Variants in NTM observed in about 807,000 individuals in gnomAD.
NTM encodes the protein IgLON family member 2.
In NTM, 13 loss-of-function variants were observed where a neutral mutation model predicts 42.1. The observed-to-expected ratio is 0.31, with a 90% CI of 0.20 to 0.49. NTM has a LOEUF of 0.49. Among genes scored for constraint, NTM ranks in the 20% least tolerant of loss-of-function variants. The pLI is 0.99. For missense variants in NTM, 373 were observed against 452.8 expected (o/e 0.82, Z 1.60); for synonymous variants, 187 against 179.2 (o/e 1.04, Z -0.35).
intron 3 of NTM, among the ~76,000 whole-genome samples, chr11:132,159,808 C>T (rs2073935595): frequency 1.3e-5 from 2 of 152,186 alleles, no homozygotes; most frequent in African/African-American, 2.4e-5. Flanking sequence ...CTGGGAATCA[C>T]AGGCTGGAGC....
At chr11:131,562,198 T>C (rs1047565721) in intron 1 of NTM, among the ~76,000 whole-genome samples, 2 of 152,044 alleles carry the variant, frequency 1.3e-5, no homozygotes, top group Non-Finnish European at 2.9e-5. Flanking sequence ...TGACTTATGA[T>C]GGATGAGGGA....
chr11:132,153,252 T>G (rs2072385491), intron 3 of NTM, among the ~76,000 whole-genome samples: 3 of 152,186 alleles, frequency 2.0e-5, no homozygotes, highest in Non-Finnish European at 4.4e-5. Context: ...AGCTTCCAAG[T>G]GAGAAATGTC....
At chr11:131,715,887 G>T (rs1342328113) in intron 1 of NTM, among the ~76,000 whole-genome samples, 4 of 152,188 alleles carry the variant, frequency 2.6e-5, no homozygotes, top group Middle Eastern at 3.2e-3. Context: ...ATGTGTTTAT[G>T]CATTCAATGA....
At chr11:132,283,068 C>T (rs567010314) in intron 4 of NTM, among the ~76,000 whole-genome samples, 1 of 146,492 alleles carries the variant, frequency 6.8e-6, no homozygotes, top group African/African-American at 2.5e-5. Context: ...CTCACTGCAA[C>T]CTTCGCCTCC....
intron 1 of NTM, among the ~76,000 whole-genome samples, chr11:131,859,344 T>G (rs996207378): frequency 6.6e-6 from 1 of 152,222 alleles, no homozygotes. Flanking sequence ...TATAGAGGAC[T>G]GAAAATCTGG....
intron 3 of NTM, among the ~76,000 whole-genome samples, chr11:132,148,617 T>C (rs886392545): frequency 1.3e-5 from 2 of 152,150 alleles, no homozygotes; most frequent in Non-Finnish European, 2.9e-5. Context: ...GAAAACTGGA[T>C]CATATTTTTG....
chr11:131,931,278 A>G (rs2058570404), intron 2 of NTM, among the ~76,000 whole-genome samples: 1 of 151,856 alleles, frequency 6.6e-6, no homozygotes, highest in Non-Finnish European at 1.5e-5. Context: ...GTCTCTATAC[A>G]AAATACAAAA....
intron 4 of NTM, among the ~76,000 whole-genome samples, chr11:132,287,763 A>C (rs1038642021): frequency 4.6e-5 from 7 of 152,248 alleles, no homozygotes; most frequent in Admixed American, 3.9e-4. Flanking sequence ...ATGTGTGAGC[A>C]TGCATGTGAA....
chr11:132,198,756 A>T (rs1448159333), intron 3 of NTM, among the ~76,000 whole-genome samples: 1 of 152,218 alleles, frequency 6.6e-6, no homozygotes. Flanking sequence ...ATCAAGCATA[A>T]TTAGAGAGAA....
intron 1 of NTM, among the ~76,000 whole-genome samples, chr11:131,522,080 C>T (rs1433303728): frequency 6.6e-6 from 1 of 152,144 alleles, no homozygotes; most frequent in Non-Finnish European, 1.5e-5. Flanking sequence ...CTCTGGGTTC[C>T]TGGATTAGAG....
intron 1 of NTM, chr11:131,534,458 G>C (rs2051820066): frequency 6.6e-6 from 1 of 152,076 alleles, no homozygotes; most frequent in African/African-American, 2.4e-5. Context: ...CCTGAATCTT[G>C]GTCCCCTCCT....
chr11:131,515,517 G>A (rs2048791678), intron 1 of NTM, among the ~76,000 whole-genome samples: 1 of 152,208 alleles, frequency 6.6e-6, no homozygotes, highest in Admixed American at 6.5e-5. Flanking sequence ...GAACTACAGA[G>A]CTGGATGGAC....
intron 4 of NTM, among the ~76,000 whole-genome samples, chr11:132,249,846 A>G (rs2139360520): frequency 6.6e-6 from 1 of 152,346 alleles, no homozygotes; most frequent in South Asian, 2.1e-4. Context: ...AGGATGTCCA[A>G]ATAATTTTAA....
intron 1 of NTM, among the ~76,000 whole-genome samples, chr11:131,597,626 A>G (rs949532375): frequency 1.5e-4 from 23 of 152,182 alleles, no homozygotes; most frequent in African/African-American, 5.5e-4. Context: ...TTTGAGGGCA[A>G]TGGTCCTGTC....
At chr11:131,394,847 G>T (rs985648596) in intron 1 of NTM, among the ~76,000 whole-genome samples, 1 of 152,080 alleles carries the variant, frequency 6.6e-6, no homozygotes, top group Non-Finnish European at 1.5e-5. Flanking sequence ...AAATATTTGC[G>T]GGGTGTCAAT....
chr11:131,674,128 C>T (rs1479107141), intron 1 of NTM, among the ~76,000 whole-genome samples: 4 of 152,220 alleles, frequency 2.6e-5, no homozygotes, highest in East Asian at 1.9e-4. Flanking sequence ...GGTCCTAGCA[C>T]GGGGTGCGGG....
intron 1 of NTM, among the ~76,000 whole-genome samples, chr11:131,629,645 G>T (rs2063464064): frequency 6.6e-6 from 1 of 152,176 alleles, no homozygotes; most frequent in African/African-American, 2.4e-5. Context: ...TCACCCTGGA[G>T]GATGCATGGC....
rs546488245 is a variant in NTM at position 132,003,073 on chromosome 11, G to A, written c.167+91425G>A. Among the ~76,000 whole-genome samples the A allele has an allele frequency of 6.6e-6, 1 of 152,110 alleles. No individual in the cohort carries two copies. Among genetic ancestry groups the A allele is most frequent in the Non-Finnish European group, 1.5e-5 (1 of 68,038 alleles). ...TAGTGAGCGCACTAAACAGTAAGATGCGCTGCCACAGTTGTGTGTGTAATT... is the reference window on the plus strand; with the variant it reads ...TAGTGAGCGCACTAAACAGTAAGATACGCTGCCACAGTTGTGTGTGTAATT... On this transcript the variant is annotated intron_variant, in intron 2 of 8. Transcript: ENST00000683400. The surrounding 1 kb of genome is among the most constrained non-coding windows in gnomAD (Gnocchi z 6.0).
At chr11:131,395,003 C>T (rs767715883) in intron 1 of NTM, among the ~76,000 whole-genome samples, 14 of 152,234 alleles carry the variant, frequency 9.2e-5, no homozygotes, top group East Asian at 7.7e-4. Context: ...GTGTTAGGTA[C>T]GGGACCTTTC....
Sources: gnomAD v4.1 joint callset for allele counts (sites outside exome capture counted in the v4.1 genomes callset) on GRCh38, gnomAD v4.1.1 for gene constraint, Gnocchi (gnomAD v3.1) non-coding constraint, MANE v1.5 for transcripts, NCBI Gene and HGNC (gene_info 2026-07-23, HGNC 2026-07-21) for gene names.